Variants in FLCN observed in about 807,000 individuals in gnomAD.
FLCN encodes the protein folliculin.
In FLCN, 22 loss-of-function variants were observed where a neutral mutation model predicts 62.5. The observed-to-expected ratio is 0.35, with a 90% CI of 0.25 to 0.50. The LOEUF (loss-of-function observed/expected upper bound fraction) is 0.50. FLCN is among the 20% of genes least tolerant of loss of function. The pLI, the probability that FLCN is intolerant of heterozygous loss-of-function variation, is 0.97. For synonymous variants in FLCN, 319 were observed against 310.0 expected (o/e 1.03, Z -0.30); for missense variants, 657 against 778.0 (o/e 0.84, Z 1.85).
In FLCN at chr17:17,231,900, A is replaced by C. The variant is rs1234968819; in HGVS notation, c.-113-18T>G. 1 of 152,664 alleles carries C rather than the reference A, an allele frequency of 6.6e-6. No homozygotes were observed. The highest frequency in any genetic ancestry group is 6.5e-5 in the Admixed American group (1 of 15,286). The allele number at this position is 152,664 out of a possible 1,614,324, so 9.5% of individuals were successfully genotyped here. On this transcript the variant is annotated intron_variant, in intron 2 of 13. Coordinates refer to ENST00000285071, the MANE Select transcript of FLCN (RefSeq NM_144997.7). ...TGGTCACACTGGGAATGGCAGAGGC[A>C]GACAGAAAACAGACATTTGAAGAGA...
At position 17,223,925 on chromosome 17, in the gene FLCN, G is replaced by A; in HGVS notation, c.615C>T (p.Leu205=). The change falls in exon 6 of 14, where the codon CTC becomes CTT. Residue 205 remains leucine, a synonymous_variant. Coordinates refer to ENST00000285071, the MANE Select transcript of FLCN (RefSeq NM_144997.7). ...GIIDELQGKA[L]KVFEAEQFGC... ...GGCACCTCATCTCTGAATTCACCTT[G>A]AGCGCCTTGCCCTGGAGCTCATCGA... is the stretch of plus-strand genomic sequence containing the variant. The A allele has an allele frequency of 1.2e-6, 2 of 1,613,252 alleles. No individual in the cohort carries two copies. The highest frequency in any genetic ancestry group is 1.7e-6 in the Non-Finnish European group (2 of 1,180,026).
At chr17:17,225,984 A>G (rs1437877309) in intron 5 of FLCN, 192 bp downstream of exon 5, 2 of 760,688 alleles carry the variant, frequency 2.6e-6, no homozygotes, top group Non-Finnish European at 4.7e-6. Flanking sequence ...ATGCTCAGCA[A>G]GTCCAACATG....
intron 11 of FLCN, among the ~76,000 whole-genome samples, chr17:17,215,964 A>T (rs961525994): frequency 4.6e-5 from 7 of 152,296 alleles, no homozygotes; most frequent in African/African-American, 1.7e-4. Flanking sequence ...AGGTGAAGAA[A>T]AAGGCTGGAG....
rs571087684 is a variant in FLCN at position 17,224,436 on chromosome 17, T to C, written c.397-293A>G. On this transcript the variant is annotated intron_variant, in intron 5 of 13. Transcript: ENST00000285071. ...TGCATATGTCACACCTCTCCCAGAC[T>C]CAAATGTACCAGCTTACTCACCTGG... The C allele has an allele frequency of 1.6e-4, 77 of 489,968 alleles. 1 individual carries two copies. In the East Asian group the frequency reaches 2.2e-3, roughly 14 times the overall value. The allele number at this position is 489,968 out of a possible 1,614,324, so 30.4% of individuals were successfully genotyped here. A position where few individuals can be genotyped will look rare whatever the true frequency, so the allele number is the denominator to read the frequency against.
intron 1 of FLCN, among the ~76,000 whole-genome samples, chr17:17,236,393 A>G (rs2047582152): frequency 2.6e-5 from 4 of 152,248 alleles, no homozygotes; most frequent in Admixed American, 6.5e-5. Context: ...GGCTGTGGCC[A>G]AAGGCTAGAG....
chr17:17,226,360 A>G, intron 4 of FLCN, 38 bp from the exon 5 acceptor site: 1 of 1,613,464 alleles, frequency 6.2e-7, no homozygotes, highest in Admixed American at 1.7e-5. Flanking sequence ...GTTAGTTGGG[A>G]AGCAGGGCGA....
chr17:17,223,189 G>T, intron 6 of FLCN: 1 of 211,674 alleles, frequency 4.7e-6, no homozygotes, highest in Non-Finnish European at 9.7e-6. Flanking sequence ...TGCCTCATGG[G>T]TTCAAGCGTT....
In FLCN at chr17:17,221,593, T is replaced by C; in HGVS notation, c.815A>G (p.Lys272Arg). 6.2e-7 allele frequency: 1 copy of C among 1,610,526 alleles called. No individual in the cohort carries two copies. Residue 272 changes from lysine to arginine, a missense_variant, in exon 8 of 14, where the codon AAG becomes AGG. Lys to Arg is a conservative substitution (Grantham distance 26). Coordinates refer to ENST00000285071, the MANE Select transcript of FLCN (RefSeq NM_144997.7). The part of the protein sequence containing the change: ...LKACGSRLTE[K>R]LLEGAPTEDT... Reference sequence around the variant, plus strand: ...CTCGGTCGGAGCACCTTCCAGGAGCTTCTCGGTCAGCCGGCTGCCACACGC... The same window carrying C: ...CTCGGTCGGAGCACCTTCCAGGAGCCTCTCGGTCAGCCGGCTGCCACACGC...
chr17:17,222,743 A>C (rs2047134440), intron 6 of FLCN, 82 bp from the exon 7 acceptor site: 4 of 1,552,314 alleles, frequency 2.6e-6, no homozygotes, highest in East Asian at 4.5e-5. Context: ...AGCCAACTCC[A>C]GGACCTGACT....
Position 17,215,205 on chromosome 17 carries a change from C to T in FLCN, c.1412G>A (p.Ser471Asn), listed in dbSNP as rs1457951673. ...CCCACCTCGGTCTGCAGCTACAGGG[C>T]TCCCACTGGTCACCACAAACTCGTA... ...SKYEFVVTSG[S>N]PVAADRVGPT... Residue 471 changes from serine (S) to asparagine (N), a missense_variant, in exon 12 of 14, where the codon AGC (serine) becomes AAC (asparagine). Ser to Asn is a conservative substitution (Grantham distance 46). Coordinates refer to ENST00000285071, the MANE Select transcript of FLCN (RefSeq NM_144997.7). The T allele has an allele frequency of 6.2e-7, 1 of 1,614,184 alleles. No individual in the cohort carries two copies. Among genetic ancestry groups the T allele is most frequent in the South Asian group, 1.1e-5 (1 of 91,090 alleles).
chr17:17,214,141 A>G (rs746889131), intron 13 of FLCN, among the ~76,000 whole-genome samples: 13 of 136,004 alleles, frequency 9.6e-5, no homozygotes, highest in African/African-American at 2.0e-4. Flanking sequence ...CAAGACGCCA[A>G]GAAGAAAGAA....
In FLCN at chr17:17,224,060, G is replaced by A. The variant is rs1597607089; in HGVS notation, c.480C>T (p.Asp160=). The A allele has an allele frequency of 3.1e-6, 5 of 1,613,730 alleles. No individual in the cohort carries two copies. Among genetic ancestry groups the A allele is most frequent in the Non-Finnish European group, 4.2e-6 (5 of 1,179,960 alleles). The change falls in exon 6 of 14, where the codon GAC becomes GAT. Residue 160 remains aspartate, a synonymous_variant. Coordinates refer to ENST00000285071, the MANE Select transcript of FLCN (RefSeq NM_144997.7). ...FVFSHTFFIK[D]SLARGFQRWY... ...AGCGCTGGAAGCCCCTGGCCAGGCT[G>A]TCCTTGATGAAGAAGGTGTGGCTGA... is the stretch of plus-strand genomic sequence containing the variant.
chr17:17,218,761 A>G (rs1317148333), intron 9 of FLCN, among the ~76,000 whole-genome samples: 1 of 152,180 alleles, frequency 6.6e-6, no homozygotes, highest in Non-Finnish European at 1.5e-5. Context: ...GGAGCTTCTT[A>G]GAGGATTAGA....
In FLCN at chr17:17,213,416, A is replaced by C. The variant is rs1406000369; in HGVS notation, c.*239T>G. On this transcript the variant is annotated 3_prime_UTR_variant, in exon 14 of 14. Coordinates refer to ENST00000285071, the MANE Select transcript of FLCN (RefSeq NM_144997.7). ...CTCCAAGGAGTTTGAACACAGAGAGAGCCCATCATCCCTCCGCCTTTCATT... is the reference window on the plus strand; with the variant it reads ...CTCCAAGGAGTTTGAACACAGAGAGCGCCCATCATCCCTCCGCCTTTCATT... 1.7e-6 allele frequency: 1 copy of C among 605,262 alleles called. No individual in the cohort carries two copies. Among genetic ancestry groups the C allele is most frequent in the Admixed American group, 2.7e-5 (1 of 37,348 alleles). 37.5% of individuals were successfully genotyped at this position (605,262 alleles called of 1,614,324 possible).
chr17:17,218,697 T>C (rs1438984298), intron 9 of FLCN, among the ~76,000 whole-genome samples: 1 of 152,160 alleles, frequency 6.6e-6, no homozygotes, highest in Non-Finnish European at 1.5e-5. Context: ...TCACTTACAA[T>C]GGGCAGGGTC....
At position 17,237,120 on chromosome 17, in the gene FLCN, T is replaced by C. The variant is rs1252187383; in HGVS notation, c.-436A>G. On this transcript the variant is annotated 5_prime_UTR_variant, in exon 1 of 14. Coordinates refer to ENST00000285071, the MANE Select transcript of FLCN (RefSeq NM_144997.7). The stretch of plus-strand genomic sequence containing the variant: ...CCCGGGTTCAGGCTCTCAGGGGAGC[T>C]GGCAGAACCAGGAGCGACCACACTC... 6.6e-6 allele frequency: 1 copy of C among 152,108 alleles called. No homozygotes were observed. Among genetic ancestry groups the C allele is most frequent in the Non-Finnish European group, 1.5e-5 (1 of 68,040 alleles). The allele number at this position is 152,108 out of a possible 1,614,324, so 9.4% of individuals were successfully genotyped here.
At chr17:17,221,166 C>G (rs923020506) in intron 8 of FLCN, 1 of 1,446,832 alleles carries the variant, frequency 6.9e-7, no homozygotes, top group African/African-American at 1.4e-5. Flanking sequence ...AAACTTGGGA[C>G]GAACTGAAAC....
At chr17:17,228,831 GCAGATCTTATAGCTCCTCCAGGC>G (rs544976796) in intron 3 of FLCN, 1 of 152,990 alleles carries the variant, frequency 6.5e-6, no homozygotes, top group Admixed American at 6.5e-5. Flanking sequence ...GCTGTAGGAA[GCAGATCTTATAGCTCCTCCAGGC>G]CACCGAAAGA....
chr17:17,222,299 C>T (rs763074355), intron 7 of FLCN, among the ~76,000 whole-genome samples: 9 of 152,122 alleles, frequency 5.9e-5, no homozygotes, highest in Non-Finnish European at 1.3e-4. Context: ...GTTTTCAGCA[C>T]ACTCAGGGGA....
Sources: gnomAD v4.1 joint callset for allele counts (sites outside exome capture counted in the v4.1 genomes callset) on GRCh38, gnomAD v4.1.1 for gene constraint, MANE v1.5 for transcripts, NCBI Gene and HGNC (gene_info 2026-07-23, HGNC 2026-07-21) for gene names.